The following NEO1 variants were observed in gnomAD, a reference collection of about 807,000 sequenced individuals.
NEO1 encodes neogenin.
A neutral mutation model predicts 159.7 loss-of-function variants in NEO1; 63 were observed. The observed-to-expected ratio is 0.39, with a 90% CI of 0.32 to 0.49. The LOEUF is 0.49. Ranked by LOEUF, NEO1 falls within the 20% of genes least tolerant of loss-of-function variation. NEO1 has a pLI of 0.85. For missense variants in NEO1, 1,615 were observed against 1,831.0 expected (o/e 0.88, Z 2.15); for synonymous variants, 633 against 662.0 (o/e 0.96, Z 0.67).
In NEO1 at chr15:73,257,074, G is replaced by A. The variant is rs530072567; in HGVS notation, c.2093-1692G>A. 7.8e-5 allele frequency among the ~76,000 whole-genome samples: 11 copies of A among 140,594 alleles called. No homozygotes were observed. The South Asian group carries it at 2.6e-3, about 33-fold the overall frequency. The allele number at this position is 140,594 out of a possible 152,430, so 92.2% of individuals were successfully genotyped here. On this transcript the variant is annotated intron_variant, in intron 13 of 28. Transcript: ENST00000261908. Reference sequence around the variant, plus strand: ...TTGAACCCAGGAAGTGGAGGTTGAAGTGAGCCGTGATTGTGCCACTGCACT... The same window carrying A: ...TTGAACCCAGGAAGTGGAGGTTGAAATGAGCCGTGATTGTGCCACTGCACT...
intron 7 of NEO1, among the ~76,000 whole-genome samples, chr15:73,193,810 C>T (rs956799019): frequency 2.0e-5 from 3 of 151,656 alleles, no homozygotes; most frequent in African/African-American, 7.3e-5. Context: ...TGCCAAAGCG[C>T]TACTCTAATT....
At chr15:73,118,591 C>G (rs1260354326) in intron 2 of NEO1, among the ~76,000 whole-genome samples, 1 of 152,160 alleles carries the variant, frequency 6.6e-6, no homozygotes, top group Admixed American at 6.5e-5. Flanking sequence ...TCCTCACTTT[C>G]TTCTCCTCTG....
chr15:73,086,743 G>T (rs1449787308), intron 1 of NEO1, among the ~76,000 whole-genome samples: 1 of 145,744 alleles, frequency 6.9e-6, no homozygotes, highest in Non-Finnish European at 1.5e-5. Context: ...GCAGTGGCGC[G>T]ATCTTGATTC....
intron 7 of NEO1, among the ~76,000 whole-genome samples, chr15:73,222,287 G>A (rs2038338112): frequency 6.6e-6 from 1 of 151,194 alleles, no homozygotes; most frequent in African/African-American, 2.4e-5. Context: ...TGTATTTTTA[G>A]TAGAGACGGG....
At chr15:73,065,389 G>A (rs1444312833) in intron 1 of NEO1, among the ~76,000 whole-genome samples, 1 of 151,214 alleles carries the variant, frequency 6.6e-6, no homozygotes, top group Non-Finnish European at 1.5e-5. Flanking sequence ...TAGGTTTGTT[G>A]GAGATGAATT....
At chr15:73,119,326 TAG>T (rs1488102292) in intron 2 of NEO1, among the ~76,000 whole-genome samples, 1 of 152,190 alleles carries the variant, frequency 6.6e-6, no homozygotes, top group Non-Finnish European at 1.5e-5. Flanking sequence ...CTAAAAGACT[TAG>T]AGTTTTTTGG....
chr15:73,297,359 A>C (rs1175997348), intron 26 of NEO1, among the ~76,000 whole-genome samples: 1 of 152,234 alleles, frequency 6.6e-6, no homozygotes, highest in East Asian at 1.9e-4. Flanking sequence ...AATGTAAAGC[A>C]GCTGGCATAG....
chr15:73,160,107 CT>C (rs1196971465), intron 5 of NEO1, among the ~76,000 whole-genome samples: 3 of 152,048 alleles, frequency 2.0e-5, no homozygotes, highest in African/African-American at 4.8e-5. Flanking sequence ...TGTTTTCCCC[CT>C]GTTCATTGTC....
intron 15 of NEO1, among the ~76,000 whole-genome samples, chr15:73,263,255 G>A (rs1036334764): frequency 4.8e-5 from 7 of 147,186 alleles, no homozygotes; most frequent in African/African-American, 7.6e-5. Flanking sequence ...GGGCAGTGGC[G>A]CGATCTCAGC....
intron 26 of NEO1, among the ~76,000 whole-genome samples, chr15:73,298,119 G>A (rs778053248): frequency 3.9e-5 from 6 of 152,162 alleles, no homozygotes; most frequent in Non-Finnish European, 8.8e-5. Context: ...CTACAAAATT[G>A]TGACCACTTA....
At chr15:73,198,919 A>G (rs1436374830) in intron 7 of NEO1, among the ~76,000 whole-genome samples, 2 of 151,610 alleles carry the variant, frequency 1.3e-5, no homozygotes, top group South Asian at 2.1e-4. Context: ...TATATTTAAC[A>G]TCTTAATATG....
chr15:73,138,764 A>C (rs544181435), intron 5 of NEO1, among the ~76,000 whole-genome samples: 76 of 133,304 alleles, frequency 5.7e-4, no homozygotes, highest in East Asian at 1.7e-3. Flanking sequence ...TCAAAAAAAA[A>C]AAAAAAACAA....
rs186442014 is a variant in NEO1 at position 73,213,475 on chromosome 15, C to T, written c.1292-22872C>T. 5.9e-5 allele frequency among the ~76,000 whole-genome samples: 9 copies of T among 152,240 alleles called. No homozygotes were observed. In the South Asian group the frequency reaches 6.2e-4, roughly 11 times the overall value. ...GTCCATATCATTCTTAATGCCTTTG[C>T]GTCCTCATAGCTTAGCTCCCACATG... On this transcript the variant is annotated intron_variant, in intron 7 of 28. Coordinates refer to ENST00000261908, the MANE Select transcript of NEO1 (RefSeq NM_002499.4).
At chr15:73,237,395 C>T (rs1385161746) in intron 8 of NEO1, among the ~76,000 whole-genome samples, 1 of 152,194 alleles carries the variant, frequency 6.6e-6, no homozygotes, top group Non-Finnish European at 1.5e-5. Flanking sequence ...ATTATAAACT[C>T]TTTGGAAGGA....
At chr15:73,158,781 G>T (rs1157866764) in intron 5 of NEO1, among the ~76,000 whole-genome samples, 2 of 152,100 alleles carry the variant, frequency 1.3e-5, no homozygotes, top group African/African-American at 4.8e-5. Flanking sequence ...CTATGTCCCA[G>T]CCCTCCTCCA....
intron 21 of NEO1, among the ~76,000 whole-genome samples, chr15:73,275,096 G>A (rs1393361470): frequency 6.6e-6 from 1 of 152,148 alleles, no homozygotes; most frequent in African/African-American, 2.4e-5. Flanking sequence ...GTTCATATTT[G>A]ATCATACCAA....
chr15:73,236,602 G>C lies in NEO1; in HGVS notation c.1451+96G>C, dbSNP rs2039185943. The C allele has an allele frequency of 5.7e-6, 6 of 1,054,168 alleles. No individual in the cohort carries two copies. In the Admixed American group the frequency reaches 1.2e-4, roughly 21 times the overall value. 65.3% of individuals were successfully genotyped at this position (1,054,168 alleles called of 1,614,324 possible). The stretch of plus-strand genomic sequence containing the variant: ...CTCTTGGTATCTGTACCAATTTTTA[G>C]TCCAGAAAATAAGATCACTGAGATG... On this transcript the variant is annotated intron_variant, in intron 8 of 28. Transcript: ENST00000261908.
intron 5 of NEO1, among the ~76,000 whole-genome samples, chr15:73,161,596 T>C (rs541265689): frequency 6.6e-6 from 1 of 152,356 alleles, no homozygotes; most frequent in Admixed American, 6.5e-5. Flanking sequence ...GATTTCCATC[T>C]TTAAAAACTA....
At chr15:73,195,834 T>G (rs903613811) in intron 7 of NEO1, among the ~76,000 whole-genome samples, 1 of 152,172 alleles carries the variant, frequency 6.6e-6, no homozygotes, top group African/African-American at 2.4e-5. Flanking sequence ...TATAGAATAG[T>G]TTTGTTAAAA....
Sources: allele counts gnomAD v4.1 joint callset (sites outside exome capture counted in the v4.1 genomes callset), GRCh38; gene constraint gnomAD v4.1.1; transcripts MANE v1.5; gene names NCBI Gene and HGNC (gene_info 2026-07-23, HGNC 2026-07-21).